WWP2: variants seen among roughly 807,000 people sequenced by gnomAD.
WWP2 encodes the protein NEDD4-like E3 ubiquitin-protein ligase WWP2.
Under a neutral mutation model 121.0 loss-of-function variants are expected in WWP2, and 57 were observed. That is an observed-to-expected ratio of 0.47 (90% CI 0.38 to 0.59). WWP2 has a LOEUF of 0.59. Among genes scored for constraint, WWP2 ranks in the 20% least tolerant of loss-of-function variants. The probability of loss-of-function intolerance (pLI) is 0.00; values close to 1 mark genes in which losing one functional copy is unlikely to be tolerated. For synonymous variants in WWP2, 449 were observed against 441.3 expected, an observed-to-expected ratio of 1.02 and a Z score of -0.22; for missense variants, 962 against 1,158.9, an observed-to-expected ratio of 0.83 and a Z score of 2.47.
chr16:69,784,716 A>T (rs993915634), intron 1 of WWP2, among the ~76,000 whole-genome samples: 4 of 152,174 alleles, frequency 2.6e-5, no homozygotes, highest in Non-Finnish European at 4.4e-5. Context: ...TTGAAGTATA[A>T]TGGTGTGTTG....
intron 4 of WWP2, among the ~76,000 whole-genome samples, chr16:69,821,448 G>T (rs8047010): frequency 0.044 from 6,723 of 152,244 alleles, 517 homozygotes; most frequent in African/African-American, 0.15. Context: ...CTGCCTTGTG[G>T]AGCCTCACCT....
chr16:69,888,347 T>A, intron 8 of WWP2, 98 bp downstream of exon 8: 2 of 1,300,630 alleles, frequency 1.5e-6, no homozygotes, highest in Non-Finnish European at 2.1e-6. Context: ...ACCTAGTGGC[T>A]AGTAGCCTCT....
In WWP2 at chr16:69,914,461, T is replaced by C. The variant is rs189033552; in HGVS notation, c.1005-3248T>C. On this transcript the variant is annotated intron_variant, in intron 9 of 23. Coordinates refer to ENST00000359154, the MANE Select transcript of WWP2 (RefSeq NM_001270454.2). ...TAGAGCAGGACCTTCACAATTCCGA[T>C]GGAAAATGATTTCCTGCCGGGCACA... Among the ~76,000 whole-genome samples the C allele has an allele frequency of 4.6e-5, 7 of 152,238 alleles. No homozygotes were observed. The East Asian group carries it at 9.7e-4, about 21-fold the overall frequency.
intron 8 of WWP2, among the ~76,000 whole-genome samples, chr16:69,902,757 G>A (rs933703984): frequency 2.0e-5 from 3 of 152,136 alleles, no homozygotes; most frequent in Non-Finnish European, 2.9e-5. Context: ...GGCATGGGGG[G>A]GACCAAACCA....
intron 4 of WWP2, among the ~76,000 whole-genome samples, chr16:69,807,658 A>T: frequency 6.6e-6 from 1 of 150,488 alleles, no homozygotes; most frequent in East Asian, 1.9e-4. Flanking sequence ...AAGAAAAAGG[A>T]AAATGAAAGG....
intron 4 of WWP2, among the ~76,000 whole-genome samples, chr16:69,808,924 T>G (rs2151828020): frequency 6.6e-6 from 1 of 152,372 alleles, no homozygotes; most frequent in South Asian, 2.1e-4. Flanking sequence ...GGTGGATGTA[T>G]GCTTACCTTT....
intron 7 of WWP2, among the ~76,000 whole-genome samples, chr16:69,876,444 A>C (rs1261622453): frequency 1.3e-5 from 2 of 150,832 alleles, no homozygotes; most frequent in Admixed American, 6.6e-5. Flanking sequence ...GGCTCACTAT[A>C]ACCTACACCT....
chr16:69,887,581 T>C (rs2151937641), intron 7 of WWP2, among the ~76,000 whole-genome samples: 1 of 152,170 alleles, frequency 6.6e-6, no homozygotes, highest in Non-Finnish European at 1.5e-5. Flanking sequence ...AAATTTTGTA[T>C]TTTTAGCAGA....
At chr16:69,885,740 G>A (rs1312555671) in intron 7 of WWP2, among the ~76,000 whole-genome samples, 1 of 152,190 alleles carries the variant, frequency 6.6e-6, no homozygotes, top group Non-Finnish European at 1.5e-5. Flanking sequence ...GCCTCTTTGA[G>A]CTATAGTTTC....
At chr16:69,801,197 A>G (rs1222649232) in intron 4 of WWP2, among the ~76,000 whole-genome samples, 1 of 145,756 alleles carries the variant, frequency 6.9e-6, no homozygotes, top group Non-Finnish European at 1.5e-5. Flanking sequence ...AAAAAAAAAA[A>G]GCAATTTTAC....
At chr16:69,931,403 T>C in intron 14 of WWP2, 106 bp from the exon 15 acceptor site, 1 of 1,514,270 alleles carries the variant, frequency 6.6e-7, no homozygotes, top group Non-Finnish European at 9.1e-7. Context: ...GGGCACATGC[T>C]ATTGCCTCCT....
At chr16:69,929,396 A>G (rs980748905) in intron 11 of WWP2, 52 bp from the exon 12 acceptor site, 28 of 1,565,952 alleles carry the variant, frequency 1.8e-5, no homozygotes, top group Non-Finnish European at 2.2e-5. Context: ...GGGAAAGGAC[A>G]CCGGCTCTCC....
intron 5 of WWP2, among the ~76,000 whole-genome samples, chr16:69,841,053 CAT>C (rs1268144519): frequency 1.1e-4 from 16 of 152,160 alleles, no homozygotes; most frequent in Admixed American, 2.6e-4. Context: ...TGGAGAAAAA[CAT>C]GTGTCATTCA....
intron 6 of WWP2, among the ~76,000 whole-genome samples, chr16:69,855,913 G>A (rs900317596): frequency 6.6e-6 from 1 of 152,142 alleles, no homozygotes; most frequent in South Asian, 2.1e-4. Context: ...TATGTCTTAT[G>A]GATGAATAGA....
At chr16:69,826,505 G>T (rs146738158) in intron 4 of WWP2, among the ~76,000 whole-genome samples, 1 of 149,068 alleles carries the variant, frequency 6.7e-6, no homozygotes, top group African/African-American at 2.5e-5. Flanking sequence ...CCAGGAGGCA[G>T]AGGTTGCAGT....
chr16:69,889,168 C>CAT (rs1291716490), intron 8 of WWP2, among the ~76,000 whole-genome samples: 3 of 152,060 alleles, frequency 2.0e-5, no homozygotes, highest in Admixed American at 6.5e-5. Context: ...CACACACACA[C>CAT]ACACACACAA....
intron 4 of WWP2, among the ~76,000 whole-genome samples, chr16:69,822,866 G>A (rs933628742): frequency 2.6e-5 from 4 of 152,192 alleles, no homozygotes; most frequent in Admixed American, 6.5e-5. Flanking sequence ...GCCAGGCACC[G>A]TGGCTCACGC....
At chr16:69,831,023 G>A (rs1011260452) in intron 4 of WWP2, among the ~76,000 whole-genome samples, 11 of 152,094 alleles carry the variant, frequency 7.2e-5, no homozygotes, top group Admixed American at 1.3e-4. Flanking sequence ...ACTCTCACCC[G>A]CTTTTGATGG....
chr16:69,851,923 C>T (rs2057221818), intron 6 of WWP2, among the ~76,000 whole-genome samples: 1 of 152,086 alleles, frequency 6.6e-6, no homozygotes, highest in African/African-American at 2.4e-5. Context: ...GTGGAGTTTG[C>T]AGTGAGCTGA....
Sources: allele counts gnomAD v4.1 joint callset (sites outside exome capture counted in the v4.1 genomes callset), GRCh38; gene constraint gnomAD v4.1.1; transcripts MANE v1.5; gene names NCBI Gene and HGNC (gene_info 2026-07-23, HGNC 2026-07-21).